RAD54L2: variants seen among roughly 807,000 people sequenced by gnomAD.
RAD54L2 encodes RAD54 like 2.
Under a neutral mutation model 138.4 loss-of-function variants are expected in RAD54L2, and 27 were observed. The observed-to-expected ratio is 0.20, with a 90% CI of 0.14 to 0.27. RAD54L2 has a LOEUF of 0.27. Ranked by LOEUF, RAD54L2 falls within the 10% of genes least tolerant of loss-of-function variation. The pLI is 1.00. For missense variants in RAD54L2, 1,396 were observed against 1,890.2 expected, an observed-to-expected ratio of 0.74 and a Z score of 4.85; for synonymous variants, 644 against 723.2, an observed-to-expected ratio of 0.89 and a Z score of 1.76.
Position 51,637,775 on chromosome 3 carries a change from G to A in RAD54L2, c.1682+272G>A, listed in dbSNP as rs1701022777. Among the ~76,000 whole-genome samples the A allele has an allele frequency of 6.6e-6, 1 of 152,184 alleles. No individual in the cohort carries two copies. The highest frequency in any genetic ancestry group is 1.9e-4 in the East Asian group (1 of 5,196). Reference sequence around the variant, plus strand: ...ACTTGCTGAGAGAAGCAAGAAAAAGGTACCATTCTGCTGACTTACCTTAGG... The same window carrying A: ...ACTTGCTGAGAGAAGCAAGAAAAAGATACCATTCTGCTGACTTACCTTAGG... On this transcript the variant is annotated intron_variant, in intron 11 of 22. Transcript: ENST00000684192. This position sits in a 1 kb window ranked among gnomAD's most constrained non-coding sequence, Gnocchi z 5.9.
rs370238700 is a variant in RAD54L2 at position 51,633,873 on chromosome 3, C to T, written c.1009-29C>T. ...TCAGCTCTGAGTTTGTTCCATAAAA[C>T]TCTCTTTTTGGACTTGGCTTTCTAA... On this transcript the variant is annotated intron_variant, in intron 8 of 22. Transcript: ENST00000684192. 11 of 1,608,212 alleles carry T rather than the reference C, an allele frequency of 6.8e-6. No homozygotes were observed. The Admixed American group carries it at 1.4e-4, about 20-fold the overall frequency.
rs1413714479 is a variant in RAD54L2 at position 51,645,013 on chromosome 3, G to T, written c.2451-11G>T. ...CTAAAGGCTCTGTGATTGTTGGCTT[G>T]TCTTTTAAAGGGCCGGATGCTTGGG... is the stretch of plus-strand genomic sequence containing the variant. On this transcript the variant is annotated splice_polypyrimidine_tract_variant and intron_variant, in intron 16 of 22. Coordinates refer to ENST00000684192, the MANE Select transcript of RAD54L2 (RefSeq NM_015106.4). The surrounding 1 kb of genome is among the most constrained non-coding windows in gnomAD (Gnocchi z 6.1). 1.2e-6 allele frequency: 2 copies of T among 1,612,874 alleles called. No homozygotes were observed. Among genetic ancestry groups the T allele is most frequent in the African/African-American group, 1.3e-5 (1 of 75,026 alleles).
At chr3:51,621,329 C>T (rs1700565456) in intron 3 of RAD54L2, among the ~76,000 whole-genome samples, 1 of 152,186 alleles carries the variant, frequency 6.6e-6, no homozygotes, top group African/African-American at 2.4e-5. Flanking sequence ...CTGGTTTAGA[C>T]ATGTATCATC....
chr3:51,637,458 A>G lies in RAD54L2; in HGVS notation c.1637A>G (p.Tyr546Cys). The change falls in exon 11 of 23, where the codon TAC becomes TGC. Residue 546 changes from tyrosine to cysteine, a missense_variant. Physicochemically the swap from Tyr to Cys is radical, Grantham distance 194 (BLOSUM62 -2). Around this residue, in one of 7 missense-constraint regions of RAD54L2, gnomAD observed 36 missense variants for 107.2 expected, o/e 0.34. Transcript: ENST00000684192. The surrounding 1 kb of genome is among the most constrained non-coding windows in gnomAD (Gnocchi z 5.9). ...STPQDVRLMR[Y>C]RSHVLHSLLE... ...CCTCAGGACGTCCGCCTCATGCGGT[A>G]CCGGAGCCATGTCCTGCACAGTCTT... The G allele has an allele frequency of 6.2e-7, 1 of 1,613,846 alleles. No homozygotes were observed. The highest frequency in any genetic ancestry group is 8.5e-7 in the Non-Finnish European group (1 of 1,179,826).
chr3:51,572,415 G>A (rs6773098), intron 2 of RAD54L2, among the ~76,000 whole-genome samples: 13,188 of 150,224 alleles, frequency 0.088, 715 homozygotes, highest in African/African-American at 0.12. Flanking sequence ...ATTGTGCCAC[G>A]GCACTGTAGC....
chr3:51,560,060 C>G (rs1164142776), intron 2 of RAD54L2, among the ~76,000 whole-genome samples: 1 of 150,704 alleles, frequency 6.6e-6, no homozygotes, highest in Non-Finnish European at 1.5e-5. Context: ...AGATGAGAAA[C>G]TAAGTGATTT....
At chr3:51,594,092 A>G (rs1218861713) in intron 3 of RAD54L2, among the ~76,000 whole-genome samples, 15 of 78,752 alleles carry the variant, frequency 1.9e-4, no homozygotes, top group Non-Finnish European at 2.4e-5. Context: ...TTTTTTTGAG[A>G]TGGAGTCTTG....
chr3:51,562,035 ATT>A (rs111227414), intron 2 of RAD54L2, among the ~76,000 whole-genome samples: 14 of 137,664 alleles, frequency 1.0e-4, no homozygotes, highest in African/African-American at 3.8e-4. Flanking sequence ...TGCCCAGTTA[ATT>A]TTTTTTTTTT....
intron 22 of RAD54L2, 33 bp downstream of exon 22, chr3:51,660,151 C>T: frequency 6.5e-7 from 1 of 1,533,100 alleles, no homozygotes; most frequent in Non-Finnish European, 8.9e-7. Flanking sequence ...TTTTACTTTT[C>T]AAACAACATT....
At chr3:51,647,379 C>G (rs9839516) in intron 19 of RAD54L2, among the ~76,000 whole-genome samples, 2 of 151,962 alleles carry the variant, frequency 1.3e-5, no homozygotes, top group Non-Finnish European at 2.9e-5. Context: ...ATTAAAAAAA[C>G]TTTTTTGGCT....
At chr3:51,643,031 CTTTTTTTTTT>C (rs1212581275) in intron 15 of RAD54L2, among the ~76,000 whole-genome samples, 2 of 113,210 alleles carry the variant, frequency 1.8e-5, no homozygotes, top group African/African-American at 7.1e-5. Flanking sequence ...TAACTGAAGT[CTTTTTTTTTT>C]TTTTTTTTTT....
intron 9 of RAD54L2, among the ~76,000 whole-genome samples, chr3:51,634,495 G>A (rs1348477569): frequency 2.7e-5 from 4 of 148,744 alleles, no homozygotes; most frequent in African/African-American, 7.4e-5. Flanking sequence ...TCAGCCTCCC[G>A]AGTAGCTGGG....
chr3:51,636,420 G>A (rs558829236), intron 10 of RAD54L2, among the ~76,000 whole-genome samples: 4 of 152,294 alleles, frequency 2.6e-5, no homozygotes, highest in East Asian at 3.9e-4. Context: ...AAATAACTGC[G>A]GGAAGACCCT....
chr3:51,630,464 C>A, intron 6 of RAD54L2, 76 bp downstream of exon 6: 1 of 1,339,796 alleles, frequency 7.5e-7, no homozygotes, highest in Non-Finnish European at 1.1e-6. Context: ...TGAAAAGAGT[C>A]CAGTCCTTCC....
intron 2 of RAD54L2, among the ~76,000 whole-genome samples, chr3:51,552,425 G>A (rs1577383199): frequency 6.6e-6 from 1 of 151,906 alleles, no homozygotes; most frequent in East Asian, 1.9e-4. Context: ...ACCACGCCCG[G>A]CTGAGTTTTT....
chr3:51,629,597 G>C (rs972588930), intron 5 of RAD54L2, 124 bp downstream of exon 5: 16 of 1,242,714 alleles, frequency 1.3e-5, no homozygotes, highest in Admixed American at 1.1e-4. Context: ...GGTGGCTCAC[G>C]CCTGTAATCC....
chr3:51,619,436 A>G (rs1700519943), intron 3 of RAD54L2, among the ~76,000 whole-genome samples: 1 of 151,436 alleles, frequency 6.6e-6, no homozygotes, highest in Non-Finnish European at 1.5e-5. Flanking sequence ...TGTTTTTCAT[A>G]TTATTGCAGG....
chr3:51,657,591 C>T lies in RAD54L2; in HGVS notation c.3238C>T (p.Pro1080Ser). The change falls in exon 21 of 23, where the codon CCT (proline) becomes TCT (serine). Residue 1080 changes from proline (P) to serine (S), a missense_variant. Physicochemically the swap from Pro to Ser is moderately conservative, Grantham distance 74. Coordinates refer to ENST00000684192, the MANE Select transcript of RAD54L2 (RefSeq NM_015106.4). ...TGTGTTTTTCCTAGATATTGTTATT[C>T]CTGGACTCAACAGCTCCACAGATGT... ...KVVTTTDIVI[P>S]GLNSSTDVQA... 6.4e-7 allele frequency: 1 copy of T among 1,570,716 alleles called. No individual in the cohort carries two copies. Among genetic ancestry groups the T allele is most frequent in the African/African-American group, 1.3e-5 (1 of 74,192 alleles).
At chr3:51,627,792 T>G (rs1181776091) in intron 4 of RAD54L2, 38 bp downstream of exon 4, 4 of 1,604,088 alleles carry the variant, frequency 2.5e-6, no homozygotes, top group Non-Finnish European at 3.4e-6. Context: ...GGGAAAGGAA[T>G]AGAGATTTTA....
Sources: gnomAD v4.1 joint callset for allele counts (sites outside exome capture counted in the v4.1 genomes callset) on GRCh38, gnomAD v4.1.1 for gene constraint, gnomAD v4.1.1 regional missense constraint, Gnocchi (gnomAD v3.1) non-coding constraint, MANE v1.5 for transcripts, NCBI Gene and HGNC (gene_info 2026-07-23, HGNC 2026-07-21) for gene names.